Variants in SEPHS1 observed in about 807,000 individuals in gnomAD.
SEPHS1 encodes the protein selenophosphate synthetase 1.
Under a neutral mutation model 39.2 loss-of-function variants are expected in SEPHS1, and 7 were observed. That is an observed-to-expected ratio of 0.18 (90% confidence interval 0.10 to 0.34). SEPHS1 has a LOEUF of 0.34. Among genes scored for constraint, SEPHS1 ranks in the 10% least tolerant of loss-of-function variants. SEPHS1 has a pLI of 1.00. For missense variants in SEPHS1, 253 were observed against 514.5 expected (o/e 0.49, Z 4.92); for synonymous variants, 190 against 195.5 (o/e 0.97, Z 0.23).
At chr10:13,334,733 G>A (rs1833575659) in intron 4 of SEPHS1, among the ~76,000 whole-genome samples, 1 of 152,246 alleles carries the variant, frequency 6.6e-6, no homozygotes, top group East Asian at 1.9e-4. Flanking sequence ...AAAAACAAAA[G>A]CTAGAAAATA....
At chr10:13,324,664 G>A (rs553960847) in intron 7 of SEPHS1, among the ~76,000 whole-genome samples, 3 of 152,326 alleles carry the variant, frequency 2.0e-5, no homozygotes, top group South Asian at 4.1e-4. Context: ...AGGCTGGAGT[G>A]AGGTGGTGCG....
chr10:13,322,710 G>T, intron 8 of SEPHS1, 125 bp downstream of exon 8: 1 of 854,290 alleles, frequency 1.2e-6, no homozygotes, highest in Non-Finnish European at 1.8e-6. Context: ...CTGCTGCGGA[G>T]GCCGAGGTCA....
At chr10:13,336,838 T>G (rs1456894374) in intron 3 of SEPHS1, among the ~76,000 whole-genome samples, 2 of 152,222 alleles carry the variant, frequency 1.3e-5, no homozygotes, top group Admixed American at 6.5e-5. Context: ...ATAGTCTTTG[T>G]GCACTTGGAT....
rs561108901 is a variant in SEPHS1 at position 13,337,495 on chromosome 10, T to G, written c.298-1145A>C. Among the ~76,000 whole-genome samples, 7 of 152,350 alleles carry G rather than the reference T, an allele frequency of 4.6e-5. No individual in the cohort carries two copies. In the South Asian group the frequency reaches 1.4e-3, roughly 32 times the overall value. On this transcript the variant is annotated intron_variant, in intron 3 of 8. Coordinates refer to ENST00000327347, the MANE Select transcript of SEPHS1 (RefSeq NM_012247.5). Reference sequence around the variant, plus strand: ...TAATCAAACTCCCAAGTGTTATCACTTCCAGTGGCTGTTTAATTGCTTGCT... The same window carrying G: ...TAATCAAACTCCCAAGTGTTATCACGTCCAGTGGCTGTTTAATTGCTTGCT...
At chr10:13,339,159 A>G (rs937944432) in intron 2 of SEPHS1, among the ~76,000 whole-genome samples, 1 of 152,220 alleles carries the variant, frequency 6.6e-6, no homozygotes, top group African/African-American at 2.4e-5. Context: ...TTCTTTGAAG[A>G]TGAGAATCCT....
At chr10:13,342,548 T>C (rs2130696052) in intron 2 of SEPHS1, among the ~76,000 whole-genome samples, 1 of 152,304 alleles carries the variant, frequency 6.6e-6, no homozygotes, top group African/African-American at 2.4e-5. Flanking sequence ...ATTGTGCCAC[T>C]GCACTCCAGC....
At position 13,318,465 on chromosome 10, in the gene SEPHS1, AAC is replaced by A. The variant is rs1482659285; in HGVS notation, c.*675_*676del. ...AAGTATCCTTTTTTGCTATCGATAA[AAC>A]AGTTAATGGTATTACTGTAAATATC... On this transcript the variant is annotated 3_prime_UTR_variant, in exon 9 of 9. Coordinates refer to ENST00000327347, the MANE Select transcript of SEPHS1 (RefSeq NM_012247.5). The A allele has an allele frequency of 2.0e-5, 3 of 152,634 alleles. No individual in the cohort carries two copies. Among genetic ancestry groups the A allele is most frequent in the Non-Finnish European group, 2.9e-5 (2 of 68,048 alleles). The allele number at this position is 152,634 out of a possible 1,614,324, so 9.5% of individuals were successfully genotyped here. A position where few individuals can be genotyped will look rare whatever the true frequency, so the allele number is the denominator to read the frequency against.
chr10:13,322,078 A>C (rs553057969), intron 8 of SEPHS1: 1 of 455,448 alleles, frequency 2.2e-6, no homozygotes, highest in Non-Finnish European at 4.4e-6. Flanking sequence ...AAGAAAAAAG[A>C]AAAATGGCAT....
chr10:13,329,839 C>A, intron 5 of SEPHS1, 51 bp from the exon 6 acceptor site: 1 of 1,390,712 alleles, frequency 7.2e-7, no homozygotes, highest in Admixed American at 2.0e-5. Flanking sequence ...AGGAGATGAG[C>A]TCATTGTTAT....
intron 8 of SEPHS1, among the ~76,000 whole-genome samples, 156 bp downstream of exon 8, chr10:13,322,679 C>T (rs1051149967): frequency 4.6e-5 from 7 of 152,260 alleles, no homozygotes; most frequent in East Asian, 3.9e-4. Context: ...CCAGACCCAC[C>T]GGGAGGAGGA....
intron 1 of SEPHS1, 126 bp from the exon 2 acceptor site, chr10:13,345,154 T>A (rs551871634): frequency 4.6e-6 from 2 of 434,636 alleles, no homozygotes; most frequent in Admixed American, 4.3e-5. Flanking sequence ...AGACCACTTA[T>A]ATTCACCACA....
rs556807064 is a variant in SEPHS1, at chr10:13,339,621, G to C, written c.194-813C>G. On this transcript the variant is annotated intron_variant, in intron 2 of 8. Coordinates refer to ENST00000327347, the MANE Select transcript of SEPHS1 (RefSeq NM_012247.5). ...CTCTTATGAGGACAGCTGTTCCTTG[G>C]TATCTGTGGGGGACTGGTTCCAGGA... Among the ~76,000 whole-genome samples the C allele has an allele frequency of 8.6e-5, 13 of 151,614 alleles. No individual in the cohort carries two copies. The East Asian group carries it at 2.5e-3, about 30-fold the overall frequency.
intron 7 of SEPHS1, among the ~76,000 whole-genome samples, chr10:13,327,240 C>CAAAAAAAAAAAAAAA (rs34788028): frequency 1.2e-5 from 1 of 82,800 alleles, no homozygotes; most frequent in African/African-American, 5.3e-5. Context: ...GATTCTGTCT[C>CAAAAAAAAAAAAAAA]AAAAAAAAAA....
In SEPHS1 at chr10:13,338,755, C is replaced by T. The variant is rs1272526394; in HGVS notation, c.247G>A (p.Val83Ile). ...IPLRHGGLSL[V>I]QTTDYIYPIV... ...GGGTAAATGTAATCTGTGGTTTGAA[C>T]CAAGGAAAGCCCACCGTGCCTCAAA... The change falls in exon 3 of 9, where the codon GTT becomes ATT. Residue 83 changes from valine to isoleucine, a missense_variant. Transcript: ENST00000327347. 3.1e-6 allele frequency: 5 copies of T among 1,614,140 alleles called. No individual in the cohort carries two copies. Among genetic ancestry groups the T allele is most frequent in the South Asian group, 1.1e-5 (1 of 91,074 alleles).
intron 1 of SEPHS1, among the ~76,000 whole-genome samples, chr10:13,347,615 CCCGGAGGCA>C (rs1833965042): frequency 6.8e-6 from 1 of 147,032 alleles, no homozygotes; most frequent in African/African-American, 2.4e-5. Context: ...GCGGGGAGGC[CCCGGAGGCA>C]CCCCGCGACC....
intron 4 of SEPHS1, among the ~76,000 whole-genome samples, chr10:13,334,649 G>A (rs1037477444): frequency 6.6e-6 from 1 of 152,196 alleles, no homozygotes. Flanking sequence ...GGCTGAGGCT[G>A]CTGCAGTGAG....
At chr10:13,326,550 CT>C (rs78465889) in intron 7 of SEPHS1, among the ~76,000 whole-genome samples, 26,527 of 142,022 alleles carry the variant, frequency 0.19, 4,650 homozygotes, top group African/African-American at 0.48. Flanking sequence ...TGATCTATAA[CT>C]TTTTTTTTTT....
chr10:13,329,286 C>G (rs1015576508), intron 6 of SEPHS1, among the ~76,000 whole-genome samples: 1 of 152,256 alleles, frequency 6.6e-6, no homozygotes, highest in African/African-American at 2.4e-5. Context: ...CAAACAAAAA[C>G]AACCAAAAAC....
At chr10:13,335,708 G>A (rs1389664480) in intron 4 of SEPHS1, among the ~76,000 whole-genome samples, 2 of 151,078 alleles carry the variant, frequency 1.3e-5, no homozygotes, top group East Asian at 1.9e-4. Flanking sequence ...GGCCGGGCAC[G>A]GTGTTTCACG....
Sources: gnomAD v4.1 joint callset for allele counts (sites outside exome capture counted in the v4.1 genomes callset) on GRCh38, gnomAD v4.1.1 for gene constraint, MANE v1.5 for transcripts, NCBI Gene and HGNC (gene_info 2026-07-23, HGNC 2026-07-21) for gene names.